Variants in CACNA1C observed in about 807,000 individuals in gnomAD.
CACNA1C encodes the protein voltage-dependent L-type calcium channel subunit alpha-1C.
A neutral mutation model predicts 229.0 loss-of-function variants in CACNA1C; 30 were observed. The ratio of observed to expected loss-of-function variants is 0.13; its 90% CI spans 0.10 to 0.18. CACNA1C has a LOEUF of 0.18. CACNA1C is among the 10% of genes least tolerant of loss of function. The pLI is 1.00. For missense variants in CACNA1C, 1,658 were observed against 2,845.0 expected (o/e 0.58, Z 9.49); for synonymous variants, 1,114 against 1,132.5 (o/e 0.98, Z 0.33).
chr12:1,989,901 G>C (rs577064062), intron 1 of CACNA1C, among the ~76,000 whole-genome samples: 48 of 152,298 alleles, frequency 3.2e-4, no homozygotes, highest in South Asian at 2.3e-3. Flanking sequence ...TGTTAAATTA[G>C]TTTTTAATCT....
intron 2 of CACNA1C, among the ~76,000 whole-genome samples, chr12:2,116,745 C>T (rs565443596): frequency 4.7e-4 from 71 of 152,184 alleles, no homozygotes; most frequent in African/African-American, 1.6e-3. Context: ...AGGAGAGGCT[C>T]CCCAGGGTCA....
intron 3 of CACNA1C, chr12:2,217,872 C>T (rs1566468172): frequency 6.6e-6 from 1 of 152,184 alleles, no homozygotes; most frequent in Non-Finnish European, 1.5e-5. Context: ...TTAAAGATAA[C>T]TTAGGTGCCA....
chr12:2,655,707 T>C (rs1019831701), intron 34 of CACNA1C, among the ~76,000 whole-genome samples: 1 of 152,144 alleles, frequency 6.6e-6, no homozygotes, highest in African/African-American at 2.4e-5. Context: ...CTCAACACAA[T>C]ACTAGCAAAC....
At chr12:1,972,899 C>T (rs1404067702) in intron 1 of CACNA1C, among the ~76,000 whole-genome samples, 3 of 152,110 alleles carry the variant, frequency 2.0e-5, no homozygotes, top group Non-Finnish European at 2.9e-5. Context: ...CTGGTAGTGG[C>T]AGTGTTTTCA....
At chr12:2,170,397 G>GC (rs1185408330) in intron 3 of CACNA1C, among the ~76,000 whole-genome samples, 3 of 152,202 alleles carry the variant, frequency 2.0e-5, no homozygotes, top group African/African-American at 7.2e-5. Context: ...AAGACCTTAA[G>GC]CATGACCTAA....
chr12:2,256,090 C>CTATCCTGACCTGACTAGTTTACAATCACA (rs142296568), intron 3 of CACNA1C, among the ~76,000 whole-genome samples: 6 of 34,890 alleles, frequency 1.7e-4, no homozygotes, highest in South Asian at 8.9e-4. Context: ...TACAATCACA[C>CTATCCTGACCTGACTAGTTTACAATCACA]CTCCTGTTTC....
intron 3 of CACNA1C, among the ~76,000 whole-genome samples, chr12:2,430,393 T>C (rs184453820): frequency 5.9e-4 from 90 of 152,282 alleles, no homozygotes; most frequent in African/African-American, 1.6e-3. Context: ...ACTCAATGTG[T>C]TGCCTGAGGA....
chr12:1,987,067 G>T (rs1318801387), intron 1 of CACNA1C, among the ~76,000 whole-genome samples: 3 of 152,084 alleles, frequency 2.0e-5, no homozygotes, highest in African/African-American at 4.8e-5. Context: ...GGCTGTGAAG[G>T]CTTCAAAAGG....
At position 2,018,615 on chromosome 12, in the gene CACNA1C, C is replaced by G. The variant is rs1210309191; in HGVS notation, c.139+47414C>G. 2.0e-5 allele frequency among the ~76,000 whole-genome samples: 3 copies of G among 152,150 alleles called. No individual in the cohort carries two copies. In the East Asian group the frequency reaches 5.8e-4, roughly 29 times the overall value. ...CAGCTGAGATGGAGCCATGCGTGGG[C>G]GTTGCACAGGGCAGCAGCCAATGAT... On this transcript the variant is annotated intron_variant, in intron 1 of 46. Transcript: ENST00000682462.
At chr12:2,621,747 G>A (rs771992629) in intron 29 of CACNA1C, among the ~76,000 whole-genome samples, 34 of 152,246 alleles carry the variant, frequency 2.2e-4, no homozygotes, top group Non-Finnish European at 2.8e-4. Flanking sequence ...AGACGGCTCC[G>A]GGGTTCCTGG....
intron 42 of CACNA1C, among the ~76,000 whole-genome samples, chr12:2,681,392 G>A (rs1228352375): frequency 6.6e-6 from 1 of 152,196 alleles, no homozygotes; most frequent in Admixed American, 6.5e-5. Flanking sequence ...ACAACACACA[G>A]GGCATCAAGC....
At chr12:2,637,725 G>T (rs968152133) in intron 30 of CACNA1C, among the ~76,000 whole-genome samples, 2 of 152,216 alleles carry the variant, frequency 1.3e-5, no homozygotes, top group African/African-American at 4.8e-5. Flanking sequence ...GCATCCCTGG[G>T]CCCTGCTCCG....
Position 2,348,577 on chromosome 12 carries a change from G to A in CACNA1C, c.478-100399G>A, listed in dbSNP as rs2097117714. Among the ~76,000 whole-genome samples, 1 of 152,200 alleles carries A rather than the reference G, an allele frequency of 6.6e-6. No homozygotes were observed. Among genetic ancestry groups the A allele is most frequent in the African/African-American group, 2.4e-5 (1 of 41,446 alleles). Reference sequence around the variant, plus strand: ...ATTTCAAGTCGTCGGCACAAGAAGAGACACTATATTAAGGCCTGGTTATGT... The same window carrying A: ...ATTTCAAGTCGTCGGCACAAGAAGAAACACTATATTAAGGCCTGGTTATGT... On this transcript the variant is annotated intron_variant, in intron 3 of 46. Coordinates refer to ENST00000399655, the MANE Select transcript of CACNA1C (RefSeq NM_000719.7). The surrounding 1 kb of genome is among the most constrained non-coding windows in gnomAD (Gnocchi z 4.7).
intron 3 of CACNA1C, among the ~76,000 whole-genome samples, chr12:2,232,321 A>C (rs891276746): frequency 6.8e-6 from 1 of 147,778 alleles, no homozygotes; most frequent in African/African-American, 2.5e-5. Flanking sequence ...ATCATGTAGA[A>C]TGTCTCTTAA....
At chr12:2,460,754 T>C (rs2099495409) in intron 5 of CACNA1C, among the ~76,000 whole-genome samples, 1 of 152,192 alleles carries the variant, frequency 6.6e-6, no homozygotes, top group Admixed American at 6.5e-5. Context: ...GATTTGCTGT[T>C]GTGGGTGCCT....
chr12:2,365,402 C>A (rs1196135690), intron 3 of CACNA1C, among the ~76,000 whole-genome samples: 1 of 152,144 alleles, frequency 6.6e-6, no homozygotes, highest in Non-Finnish European at 1.5e-5. Context: ...TTTATTAAGG[C>A]ACTGAGGGGC....
At chr12:2,310,352 A>AAAATATATATATAT (rs201363709) in intron 3 of CACNA1C, among the ~76,000 whole-genome samples, 37 of 139,834 alleles carry the variant, frequency 2.6e-4, no homozygotes, top group African/African-American at 9.3e-4. Context: ...TAAAAAAAAA[A>AAAATATATATATAT]ATATATATAT....
chr12:2,417,173 CCTT>C (rs2098918833), intron 3 of CACNA1C, among the ~76,000 whole-genome samples: 2 of 152,172 alleles, frequency 1.3e-5, no homozygotes, highest in Admixed American at 1.3e-4. Flanking sequence ...ATGTAGAAGG[CCTT>C]CTCCTAAAAG....
At chr12:2,186,743 G>A (rs2097030357) in intron 3 of CACNA1C, among the ~76,000 whole-genome samples, 1 of 152,072 alleles carries the variant, frequency 6.6e-6, no homozygotes, top group African/African-American at 2.4e-5. Context: ...TTATCAACAC[G>A]ACCTCCTTTA....
Sources: gnomAD v4.1 joint callset for allele counts (sites outside exome capture counted in the v4.1 genomes callset) on GRCh38, gnomAD v4.1.1 for gene constraint, Gnocchi (gnomAD v3.1) non-coding constraint, MANE v1.5 for transcripts, NCBI Gene and HGNC (gene_info 2026-07-23, HGNC 2026-07-21) for gene names.